RANBP2: variants seen among roughly 807,000 people sequenced by gnomAD.
The protein encoded by RANBP2 is RAN binding protein 2, also known as E3 SUMO-protein ligase RanBP2.
A neutral mutation model predicts 303.6 loss-of-function variants in RANBP2; 57 were observed. The observed-to-expected ratio is 0.19, with a 90% confidence interval of 0.15 to 0.23. The LOEUF (loss-of-function observed/expected upper bound fraction) is 0.23. Among genes scored for constraint, RANBP2 ranks in the 10% least tolerant of loss-of-function variants. RANBP2 has a pLI of 1.00. For missense variants in RANBP2, 3,138 were observed against 3,780.8 expected (o/e 0.83, Z 4.46); for synonymous variants, 1,167 against 1,301.5 (o/e 0.90, Z 2.23).
intron 25 of RANBP2, among the ~76,000 whole-genome samples, chr2:108,778,917 CAG>C (rs891483989): frequency 6.6e-6 from 1 of 151,988 alleles, no homozygotes; most frequent in Middle Eastern, 3.2e-3. Context: ...TTTGTAGAGA[CAG>C]GGGTCTCACT....
chr2:109,666,700 A>C, the RANBP2 span, among the ~76,000 whole-genome samples: 3 of 152,200 alleles, frequency 2.0e-5, no homozygotes, highest in African/African-American at 7.2e-5. Context: ...ATTGGAGGAA[A>C]AACTATGTCC....
chr2:109,060,251 A>G, the RANBP2 span, among the ~76,000 whole-genome samples: 1 of 152,214 alleles, frequency 6.6e-6, no homozygotes, highest in Non-Finnish European at 1.5e-5. Context: ...ACATACTTAG[A>G]AACTGAAAGT....
the RANBP2 span, among the ~76,000 whole-genome samples, chr2:108,928,600 G>A: frequency 0.56 from 84,505 of 152,134 alleles, 29,422 homozygotes; most frequent in Non-Finnish European, 0.79. Flanking sequence ...GGGGGAGGAA[G>A]CAGCAATGAT....
At chr2:109,687,287 G>A in the RANBP2 span, among the ~76,000 whole-genome samples, 4 of 152,256 alleles carry the variant, frequency 2.6e-5, no homozygotes, top group East Asian at 1.9e-4. Context: ...AATTAACAAC[G>A]TCATGAGCTC....
the RANBP2 span, among the ~76,000 whole-genome samples, chr2:109,192,716 A>G: frequency 2.2e-4 from 33 of 152,358 alleles, 2 homozygotes; most frequent in East Asian, 6.4e-3. Context: ...AAATTTTAAA[A>G]TCTGGAAACT....
the RANBP2 span, among the ~76,000 whole-genome samples, chr2:109,166,552 TGA>T: frequency 6.6e-6 from 1 of 152,098 alleles, no homozygotes; most frequent in Non-Finnish European, 1.5e-5. Flanking sequence ...TCAGCCATGC[TGA>T]GTCATGGAAG....
intron 25 of RANBP2, among the ~76,000 whole-genome samples, chr2:108,779,411 C>T (rs1380407816): frequency 2.0e-5 from 3 of 152,090 alleles, no homozygotes; most frequent in Non-Finnish European, 2.9e-5. Context: ...GTGACCAGCC[C>T]GCCTCGGCCT....
At chr2:109,287,203 T>C in the RANBP2 span, among the ~76,000 whole-genome samples, 1 of 152,212 alleles carries the variant, frequency 6.6e-6, no homozygotes, top group South Asian at 2.1e-4. Flanking sequence ...ATTTGCATTT[T>C]AAATTTTTCC....
the RANBP2 span, among the ~76,000 whole-genome samples, chr2:109,222,125 CAT>C: frequency 6.6e-6 from 1 of 151,912 alleles, no homozygotes; most frequent in Admixed American, 6.5e-5. Context: ...CGATCTCACT[CAT>C]ATGTGGAAGC....
chr2:109,112,061 T>C, the RANBP2 span, among the ~76,000 whole-genome samples: 1 of 152,138 alleles, frequency 6.6e-6, no homozygotes, highest in South Asian at 2.1e-4. Context: ...GTTCCAAGTC[T>C]TTGCTATTGT....
chr2:108,755,569 T>C (rs1347105804), intron 17 of RANBP2, among the ~76,000 whole-genome samples: 3 of 151,730 alleles, frequency 2.0e-5, no homozygotes, highest in East Asian at 3.9e-4. Context: ...AATTGTTGTA[T>C]TTTTTATAGA....
chr2:109,103,953 C>T, the RANBP2 span, among the ~76,000 whole-genome samples: 1 of 151,924 alleles, frequency 6.6e-6, no homozygotes, highest in Admixed American at 6.6e-5. Flanking sequence ...GCCACCACAC[C>T]CAGCTGATTT....
At chr2:109,616,257 C>A in the RANBP2 span, 1 of 890,064 alleles carries the variant, frequency 1.1e-6, no homozygotes, top group Non-Finnish European at 1.5e-6. Context: ...AGAGATTCAT[C>A]ATACCTTGAC....
the RANBP2 span, among the ~76,000 whole-genome samples, chr2:109,139,550 T>C: frequency 6.6e-6 from 1 of 152,240 alleles, no homozygotes; most frequent in East Asian, 1.9e-4. Flanking sequence ...GCTAGAAATC[T>C]GAGTTTTAAA....
the RANBP2 span, among the ~76,000 whole-genome samples, chr2:108,868,489 C>G: frequency 6.6e-6 from 1 of 152,144 alleles, no homozygotes; most frequent in Non-Finnish European, 1.5e-5. Context: ...TGGGTTGGCT[C>G]CCCCATCATC....
At chr2:109,671,351 C>T in the RANBP2 span, among the ~76,000 whole-genome samples, 18 of 151,854 alleles carry the variant, frequency 1.2e-4, no homozygotes, top group African/African-American at 2.7e-4. Context: ...TAGGGAGGGC[C>T]GGTGCATTGA....
At chr2:109,191,253 G>A in the RANBP2 span, among the ~76,000 whole-genome samples, 1 of 152,176 alleles carries the variant, frequency 6.6e-6, no homozygotes, top group Non-Finnish European at 1.5e-5. Context: ...CGGGAAGGTT[G>A]TTTCTGACAT....
the RANBP2 span, chr2:109,574,594 T>G: frequency 6.4e-7 from 1 of 1,556,692 alleles, no homozygotes; most frequent in African/African-American, 1.4e-5. Context: ...GCTGTCAAGG[T>G]TCTTCATGGT....
At chr2:109,030,938 A>AT in the RANBP2 span, among the ~76,000 whole-genome samples, 1 of 152,098 alleles carries the variant, frequency 6.6e-6, no homozygotes, top group Non-Finnish European at 1.5e-5. Flanking sequence ...ATGGTTTAAT[A>AT]ATTGGTATAT....
Sources: allele counts gnomAD v4.1 joint callset (sites outside exome capture counted in the v4.1 genomes callset), GRCh38; gene constraint gnomAD v4.1.1; transcripts MANE v1.5; gene names NCBI Gene and HGNC (gene_info 2026-07-23, HGNC 2026-07-21).